The following OR9Q1 variants were observed in gnomAD, a reference collection of about 807,000 sequenced individuals.
The protein encoded by OR9Q1 is olfactory receptor 9Q1.
For missense variants in OR9Q1, 374 were observed against 378.8 expected (o/e 0.99, Z 0.11); for synonymous variants, 153 against 148.6 (o/e 1.03, Z -0.22).
intron 2 of OR9Q1, among the ~76,000 whole-genome samples, chr11:58,142,661 C>G (rs1162909780): frequency 6.6e-6 from 1 of 152,106 alleles, no homozygotes; most frequent in Admixed American, 6.6e-5. Flanking sequence ...GGAAAGAGGA[C>G]AAGAAGAATC....
chr11:58,134,581 AAGG>A (rs1854173449), intron 2 of OR9Q1, among the ~76,000 whole-genome samples: 1 of 152,166 alleles, frequency 6.6e-6, no homozygotes, highest in African/African-American at 2.4e-5. Flanking sequence ...GGCACTGGGG[AAGG>A]AGAAGTGTAA....
intron 2 of OR9Q1, chr11:58,117,929 G>A (rs115116616): frequency 1.3e-5 from 2 of 152,202 alleles, no homozygotes; most frequent in Non-Finnish European, 1.5e-5. Flanking sequence ...CACTCTAAGC[G>A]GGTGACACAA....
chr11:58,069,147 C>T (rs1302179781), intron 2 of OR9Q1, among the ~76,000 whole-genome samples: 1 of 110,818 alleles, frequency 9.0e-6, no homozygotes, highest in Non-Finnish European at 1.6e-5. Context: ...GAGTCCATGC[C>T]TCACACATGG....
intron 2 of OR9Q1, among the ~76,000 whole-genome samples, chr11:58,057,081 C>T (rs1356068598): frequency 6.6e-6 from 1 of 151,160 alleles, no homozygotes; most frequent in East Asian, 1.9e-4. Flanking sequence ...TGCAACCCTG[C>T]CTCCCAGGTT....
At chr11:58,066,798 AC>A (rs1853434348) in intron 2 of OR9Q1, among the ~76,000 whole-genome samples, 1 of 152,000 alleles carries the variant, frequency 6.6e-6, no homozygotes, top group Non-Finnish European at 1.5e-5. Flanking sequence ...CTGGGCCCAC[AC>A]CCCATCATCT....
intron 2 of OR9Q1, among the ~76,000 whole-genome samples, chr11:58,063,016 G>A (rs2443450): frequency 4.6e-5 from 7 of 151,948 alleles, no homozygotes; most frequent in African/African-American, 1.7e-4. Flanking sequence ...TAGGGCTATG[G>A]CCTCACACGT....
At chr11:58,064,018 T>C (rs998943179) in intron 2 of OR9Q1, among the ~76,000 whole-genome samples, 10 of 152,222 alleles carry the variant, frequency 6.6e-5, no homozygotes, top group African/African-American at 2.4e-4. Flanking sequence ...TCATGGTTGG[T>C]TGGCGAGTGC....
intron 2 of OR9Q1, among the ~76,000 whole-genome samples, chr11:58,073,951 C>T (rs925621996): frequency 6.6e-6 from 1 of 152,176 alleles, no homozygotes; most frequent in African/African-American, 2.4e-5. Flanking sequence ...TGTCTTCCAG[C>T]TTCATCCATG....
intron 2 of OR9Q1, among the ~76,000 whole-genome samples, chr11:58,058,798 G>A (rs1420326018): frequency 6.6e-6 from 1 of 152,164 alleles, no homozygotes; most frequent in East Asian, 1.9e-4. Context: ...CAAAGTTGCT[G>A]TTGTCATAAC....
At chr11:58,029,944 T>C (rs1853014167) in intron 1 of OR9Q1, among the ~76,000 whole-genome samples, 1 of 151,258 alleles carries the variant, frequency 6.6e-6, no homozygotes, top group Admixed American at 6.6e-5. Context: ...TGGATTCAAG[T>C]GATTCTCCTG....
chr11:58,094,314 T>C (rs1057433808), intron 2 of OR9Q1, among the ~76,000 whole-genome samples: 2 of 152,178 alleles, frequency 1.3e-5, no homozygotes, highest in Non-Finnish European at 2.9e-5. Flanking sequence ...GAGAGCAGAA[T>C]GGATGATTGA....
intron 2 of OR9Q1, among the ~76,000 whole-genome samples, chr11:58,083,347 T>C (rs1488678553): frequency 2.6e-5 from 4 of 151,940 alleles, no homozygotes; most frequent in Admixed American, 2.0e-4. Flanking sequence ...TTTCTGTTCC[T>C]TATAAATTCT....
At chr11:58,069,998 A>G (rs1853471136) in intron 2 of OR9Q1, among the ~76,000 whole-genome samples, 1 of 151,678 alleles carries the variant, frequency 6.6e-6, no homozygotes. Flanking sequence ...TCTTTTTTTA[A>G]TTATTATTTT....
At chr11:58,041,166 C>G (rs77165873) in intron 1 of OR9Q1, 4,033 of 152,658 alleles carry the variant, frequency 0.026, 72 homozygotes, top group East Asian at 0.061. Context: ...TAGAGTTTCA[C>G]AGGCTGAGGG....
At chr11:58,109,593 C>G (rs544971244) in intron 2 of OR9Q1, 24 of 457,276 alleles carry the variant, frequency 5.2e-5, no homozygotes, top group African/African-American at 4.6e-4. Flanking sequence ...GTGGAACTGC[C>G]AGTTCAGGGT....
intron 2 of OR9Q1, among the ~76,000 whole-genome samples, chr11:58,085,949 T>C (rs1853629926): frequency 1.3e-5 from 2 of 151,784 alleles, no homozygotes; most frequent in Admixed American, 1.3e-4. Context: ...ATGGTCTGAG[T>C]GGAGACCAAC....
intron 1 of OR9Q1, among the ~76,000 whole-genome samples, chr11:58,047,105 A>G (rs1853224642): frequency 6.6e-6 from 1 of 152,204 alleles, no homozygotes; most frequent in African/African-American, 2.4e-5. Flanking sequence ...CCATTTGCTC[A>G]TTAGTTATCT....
chr11:58,160,375 G>C (rs1482975918), intron 2 of OR9Q1, among the ~76,000 whole-genome samples: 1 of 152,202 alleles, frequency 6.6e-6, no homozygotes, highest in African/African-American at 2.4e-5. Context: ...TTGAATGTGG[G>C]CTATAGGAGG....
chr11:58,169,423 T>C (rs922872034), intron 2 of OR9Q1, among the ~76,000 whole-genome samples: 3 of 152,266 alleles, frequency 2.0e-5, no homozygotes, highest in Admixed American at 2.0e-4. Context: ...TGAGCAGATA[T>C]CTATCTTTTG....
Sources: allele counts gnomAD v4.1 joint callset (sites outside exome capture counted in the v4.1 genomes callset), GRCh38; gene constraint gnomAD v4.1.1; transcripts MANE v1.5; gene names NCBI Gene and HGNC (gene_info 2026-07-23, HGNC 2026-07-21).